Variants in EYS observed in about 807,000 individuals in gnomAD.
EYS encodes protein eyes shut homolog.
Under a neutral mutation model 282.1 loss-of-function variants are expected in EYS, and 250 were observed. That is an observed-to-expected ratio of 0.89 (90% CI 0.80 to 0.98). EYS has a LOEUF of 0.98. Ranked by LOEUF, EYS falls within the 50% of genes least tolerant of loss-of-function variation. The pLI is 0.00. For missense variants in EYS, 4,016 were observed against 3,709.0 expected (o/e 1.08, Z -2.15); for synonymous variants, 1,355 against 1,282.9 (o/e 1.06, Z -1.20).
Position 65,105,052 on chromosome 6 carries a change from T to C in EYS, c.2024-47325A>G, listed in dbSNP as rs752758703. Among the ~76,000 whole-genome samples the C allele has an allele frequency of 5.9e-5, 9 of 151,816 alleles. No homozygotes were observed. The East Asian group carries it at 1.7e-3, about 29-fold the overall frequency. On this transcript the variant is annotated intron_variant, in intron 12 of 42. Coordinates refer to ENST00000503581, the MANE Select transcript of EYS (RefSeq NM_001142800.2). ...CATGTGTGATATACATGTTTTTCCATGGTTAAAAAAACATGCACACTACAC... is the reference window on the plus strand; with the variant it reads ...CATGTGTGATATACATGTTTTTCCACGGTTAAAAAAACATGCACACTACAC...
chr6:64,273,000 G>A (rs534366906), intron 30 of EYS, among the ~76,000 whole-genome samples: 46 of 151,680 alleles, frequency 3.0e-4, no homozygotes, highest in African/African-American at 9.7e-4. Context: ...TTTTCTTTTC[G>A]GTTTTCTATG....
chr6:64,777,433 A>G (rs1473638229), intron 22 of EYS, among the ~76,000 whole-genome samples: 1 of 152,136 alleles, frequency 6.6e-6, no homozygotes, highest in Non-Finnish European at 1.5e-5. Context: ...ATCTAAAAGG[A>G]CAAAAAAATA....
At chr6:64,734,122 G>A (rs1179954225) in intron 22 of EYS, among the ~76,000 whole-genome samples, 1 of 51,720 alleles carries the variant, frequency 1.9e-5, no homozygotes. Context: ...GATATTTTAA[G>A]GGAAAAAAAA....
At chr6:64,503,593 G>T (rs1468904975) in intron 26 of EYS, among the ~76,000 whole-genome samples, 1 of 152,176 alleles carries the variant, frequency 6.6e-6, no homozygotes, top group Admixed American at 6.5e-5. Flanking sequence ...CCTAACTCTT[G>T]TAATGCAGTG....
intron 28 of EYS, among the ~76,000 whole-genome samples, chr6:64,395,993 A>G (rs1392882922): frequency 6.6e-6 from 1 of 151,890 alleles, no homozygotes; most frequent in Non-Finnish European, 1.5e-5. Flanking sequence ...TAGTCAAGTA[A>G]CCACTACCCA....
intron 2 of EYS, among the ~76,000 whole-genome samples, chr6:65,599,948 T>C (rs911611057): frequency 6.6e-6 from 1 of 152,114 alleles, no homozygotes; most frequent in Non-Finnish European, 1.5e-5. Flanking sequence ...TTATGTGCTG[T>C]TGACATCTGC....
chr6:64,109,680 T>C (rs572914511), intron 31 of EYS, among the ~76,000 whole-genome samples: 2 of 152,194 alleles, frequency 1.3e-5, no homozygotes, highest in East Asian at 1.9e-4. Context: ...AATTCAGATA[T>C]AAACCTAAAA....
At chr6:64,171,094 C>T (rs1474902563) in intron 31 of EYS, among the ~76,000 whole-genome samples, 1 of 152,164 alleles carries the variant, frequency 6.6e-6, no homozygotes, top group Non-Finnish European at 1.5e-5. Flanking sequence ...GGATAACCTG[C>T]CCACTACTTT....
intron 12 of EYS, among the ~76,000 whole-genome samples, chr6:65,274,860 G>A (rs976870758): frequency 6.6e-6 from 1 of 151,920 alleles, no homozygotes; most frequent in Admixed American, 6.6e-5. Context: ...TCATTTCTGA[G>A]TTGAAGGATA....
At chr6:65,570,864 A>G (rs1396976495) in intron 2 of EYS, among the ~76,000 whole-genome samples, 1 of 152,164 alleles carries the variant, frequency 6.6e-6, no homozygotes, top group Admixed American at 6.6e-5. Context: ...AGTAGATTAA[A>G]AGTAACTGAA....
chr6:65,387,051 T>A (rs2150353643), intron 7 of EYS, among the ~76,000 whole-genome samples: 1 of 151,976 alleles, frequency 6.6e-6, no homozygotes, highest in South Asian at 2.1e-4. Flanking sequence ...ACAAAAACAA[T>A]ACTCTTATCC....
chr6:63,902,608 A>C (rs1012541116), intron 35 of EYS, among the ~76,000 whole-genome samples: 3 of 152,198 alleles, frequency 2.0e-5, no homozygotes, highest in African/African-American at 7.2e-5. Context: ...GGAGGAAAAA[A>C]GCTATAAAAG....
chr6:65,513,693 A>G (rs1235977224), intron 2 of EYS, among the ~76,000 whole-genome samples: 3 of 152,136 alleles, frequency 2.0e-5, no homozygotes, highest in African/African-American at 7.2e-5. Context: ...CAAAAACCAC[A>G]TGATTATCTC....
chr6:65,370,915 A>G (rs1765118631), intron 8 of EYS, among the ~76,000 whole-genome samples: 1 of 151,928 alleles, frequency 6.6e-6, no homozygotes, highest in Admixed American at 6.7e-5. Flanking sequence ...ATTACATTTC[A>G]GCCTAATCTA....
chr6:64,755,729 C>G (rs1402486311), intron 22 of EYS, among the ~76,000 whole-genome samples: 1 of 151,950 alleles, frequency 6.6e-6, no homozygotes, highest in Non-Finnish European at 1.5e-5. Flanking sequence ...ATAATAGACA[C>G]TGGGAACTCA....
intron 2 of EYS, among the ~76,000 whole-genome samples, chr6:65,497,027 A>G: frequency 6.6e-6 from 1 of 152,218 alleles, no homozygotes; most frequent in Non-Finnish European, 1.5e-5. Flanking sequence ...ATGCATATAG[A>G]AAGATAAAAT....
At chr6:64,538,699 T>C (rs1003324985) in intron 26 of EYS, among the ~76,000 whole-genome samples, 1 of 152,204 alleles carries the variant, frequency 6.6e-6, no homozygotes, top group East Asian at 1.9e-4. Context: ...AGGACTGCAA[T>C]AAATGCTCAG....
At chr6:65,248,445 G>T (rs1186327367) in intron 12 of EYS, among the ~76,000 whole-genome samples, 1 of 152,058 alleles carries the variant, frequency 6.6e-6, no homozygotes, top group African/African-American at 2.4e-5. Context: ...CAGAAGAAAT[G>T]ACATATGTCA....
chr6:64,798,607 G>GTTTT lies in EYS; in HGVS notation c.3443+14767_3443+14770dup, dbSNP rs57597318. On this transcript the variant is annotated intron_variant, in intron 22 of 42. Coordinates refer to ENST00000503581, the MANE Select transcript of EYS (RefSeq NM_001142800.2). ...CATTCTGCCTGTTTCTTTGTTTCTGGTTTTTTTTTTTTTTTTTTTTGCATC... is the reference window on the plus strand; with the variant it reads ...CATTCTGCCTGTTTCTTTGTTTCTGGTTTTTTTTTTTTTTTTTTTTTTTTGCATC... 9.9e-3 allele frequency among the ~76,000 whole-genome samples: 1,060 copies of GTTTT among 106,768 alleles called. 18 individuals carry two copies. Among genetic ancestry groups the GTTTT allele is most frequent in the Non-Finnish European group, 0.016 (839 of 53,718 alleles). 70.0% of individuals were successfully genotyped at this position (106,768 alleles called of 152,430 possible).
Sources: allele counts gnomAD v4.1 joint callset (sites outside exome capture counted in the v4.1 genomes callset), GRCh38; gene constraint gnomAD v4.1.1; transcripts MANE v1.5; gene names NCBI Gene and HGNC (gene_info 2026-07-23, HGNC 2026-07-21).